Variants in GPR39 observed in about 807,000 individuals in gnomAD.
GPR39 encodes G protein-coupled receptor 39.
GPR39 carries 23 observed loss-of-function variants against 18.4 expected under a neutral mutation model. The ratio of observed to expected loss-of-function variants is 1.25; its 90% CI spans 0.90 to 1.77. GPR39 has a LOEUF of 1.77. Ranked by LOEUF, GPR39 falls within the 40% of genes most tolerant of loss-of-function variation. GPR39 has a pLI of 0.00. For synonymous variants in GPR39, 280 were observed against 257.9 expected, an observed-to-expected ratio of 1.09 and a Z score of -0.82; for missense variants, 647 against 602.4, an observed-to-expected ratio of 1.07 and a Z score of -0.78.
At chr2:132,546,461 T>G (rs1473981628) in intron 1 of GPR39, among the ~76,000 whole-genome samples, 3 of 152,162 alleles carry the variant, frequency 2.0e-5, no homozygotes, top group Admixed American at 2.0e-4. Context: ...GGGTTAAGAC[T>G]AATCCTGAGA....
chr2:132,602,463 T>C (rs1455017418), intron 1 of GPR39, among the ~76,000 whole-genome samples: 1 of 152,140 alleles, frequency 6.6e-6, no homozygotes, highest in Non-Finnish European at 1.5e-5. Flanking sequence ...GGGGAAATGC[T>C]TCAGGATGTT....
chr2:132,591,231 C>T (rs1171421960), intron 1 of GPR39, among the ~76,000 whole-genome samples: 1 of 129,922 alleles, frequency 7.7e-6, no homozygotes, highest in Admixed American at 9.2e-5. Flanking sequence ...GCAGTCCGGC[C>T]TGGGCGACAG....
chr2:132,555,075 C>A (rs963611064), intron 1 of GPR39, among the ~76,000 whole-genome samples: 3 of 152,088 alleles, frequency 2.0e-5, no homozygotes, highest in Non-Finnish European at 2.9e-5. Context: ...CCTCAGCCTC[C>A]CGAGTAGCTG....
At chr2:132,583,880 G>C (rs1247638123) in intron 1 of GPR39, among the ~76,000 whole-genome samples, 1 of 151,826 alleles carries the variant, frequency 6.6e-6, no homozygotes, top group Non-Finnish European at 1.5e-5. Context: ...TGACCTCCAG[G>C]TACACAGCCC....
At chr2:132,464,721 C>T (rs752552198) in intron 1 of GPR39, among the ~76,000 whole-genome samples, 7 of 152,112 alleles carry the variant, frequency 4.6e-5, no homozygotes, top group Admixed American at 2.6e-4. Context: ...TCCTATGACC[C>T]GGCAGTATAT....
intron 1 of GPR39, among the ~76,000 whole-genome samples, chr2:132,503,715 G>T (rs1679085719): frequency 6.6e-6 from 1 of 152,216 alleles, no homozygotes; most frequent in African/African-American, 2.4e-5. Flanking sequence ...AAGACCACCA[G>T]CTGGGGGAAC....
intron 1 of GPR39, among the ~76,000 whole-genome samples, chr2:132,633,307 T>C (rs948504288): frequency 2.0e-5 from 3 of 151,386 alleles, no homozygotes; most frequent in Admixed American, 6.6e-5. Flanking sequence ...CTACTTTTTT[T>C]CCACTCCTTA....
chr2:132,476,019 G>T (rs13427386), intron 1 of GPR39, among the ~76,000 whole-genome samples: 13,524 of 152,088 alleles, frequency 0.089, 1,971 homozygotes, highest in African/African-American at 0.31. Context: ...ATGCCACTTA[G>T]CAGCAGCAGA....
intron 1 of GPR39, among the ~76,000 whole-genome samples, chr2:132,538,701 T>TGA (rs1358551680): frequency 6.6e-6 from 1 of 151,974 alleles, no homozygotes; most frequent in African/African-American, 2.4e-5. Flanking sequence ...CCCAGGGAGA[T>TGA]GAGAATTCTG....
At chr2:132,560,437 C>T (rs1452158054) in intron 1 of GPR39, among the ~76,000 whole-genome samples, 7 of 152,162 alleles carry the variant, frequency 4.6e-5, no homozygotes, top group African/African-American at 7.2e-5. Context: ...CTGATTGCAT[C>T]GAAGAACAAA....
chr2:132,466,174 A>G (rs1483054857), intron 1 of GPR39, among the ~76,000 whole-genome samples: 1 of 152,164 alleles, frequency 6.6e-6, no homozygotes. Flanking sequence ...GGAAGGGTTC[A>G]TGTCTTAACT....
chr2:132,602,430 TA>T (rs1273825038), intron 1 of GPR39, among the ~76,000 whole-genome samples: 1 of 152,076 alleles, frequency 6.6e-6, no homozygotes, highest in East Asian at 1.9e-4. Context: ...CCTGAAACTA[TA>T]AAACTACTAG....
chr2:132,503,586 G>T (rs1373200076), intron 1 of GPR39, among the ~76,000 whole-genome samples: 1 of 152,216 alleles, frequency 6.6e-6, no homozygotes, highest in African/African-American at 2.4e-5. Flanking sequence ...TTCATCAACT[G>T]CAGTTCTATA....
At chr2:132,593,661 C>A (rs1264408866) in intron 1 of GPR39, among the ~76,000 whole-genome samples, 1 of 151,978 alleles carries the variant, frequency 6.6e-6, no homozygotes, top group African/African-American at 2.4e-5. Flanking sequence ...GCTTGGGGAG[C>A]CTGGGAGTGT....
intron 1 of GPR39, among the ~76,000 whole-genome samples, chr2:132,491,984 A>G (rs908831268): frequency 2.6e-5 from 4 of 151,310 alleles, no homozygotes; most frequent in African/African-American, 9.7e-5. Flanking sequence ...TTCATTATTA[A>G]TTTTCATTGA....
At chr2:132,437,676 T>C (rs1055362801) in intron 1 of GPR39, among the ~76,000 whole-genome samples, 1 of 152,216 alleles carries the variant, frequency 6.6e-6, no homozygotes, top group Non-Finnish European at 1.5e-5. Context: ...ATAGACATTA[T>C]GTACTGGGCC....
chr2:132,535,063 T>G (rs1409855069), intron 1 of GPR39, among the ~76,000 whole-genome samples: 1 of 152,156 alleles, frequency 6.6e-6, no homozygotes, highest in Non-Finnish European at 1.5e-5. Context: ...TGAATATCCT[T>G]TATTTCTTTC....
rs112130520 is a variant in GPR39, at chr2:132,464,367, G to C, written c.856+46469G>C. ...CGTGTGCAGGATTGGCCTATGACGGGCATCTGGGAACTTGAATCTCAGGAG... is the reference window on the plus strand; with the variant it reads ...CGTGTGCAGGATTGGCCTATGACGGCCATCTGGGAACTTGAATCTCAGGAG... On this transcript the variant is annotated intron_variant, in intron 1 of 1. Coordinates refer to ENST00000329321, the MANE Select transcript of GPR39 (RefSeq NM_001508.3). Among the ~76,000 whole-genome samples the C allele has an allele frequency of 3.9e-4, 59 of 152,200 alleles. 1 individual carries two copies. Among genetic ancestry groups the C allele is most frequent in the African/African-American group, 1.4e-3 (56 of 41,450 alleles).
chr2:132,610,904 G>A (rs1258224074), intron 1 of GPR39, among the ~76,000 whole-genome samples: 3 of 152,156 alleles, frequency 2.0e-5, no homozygotes, highest in Non-Finnish European at 4.4e-5. Flanking sequence ...AGGGAAAAGG[G>A]CATGGAGTAA....
Sources: gnomAD v4.1 joint callset for allele counts (sites outside exome capture counted in the v4.1 genomes callset) on GRCh38, gnomAD v4.1.1 for gene constraint, MANE v1.5 for transcripts, NCBI Gene and HGNC (gene_info 2026-07-23, HGNC 2026-07-21) for gene names.